Variants in PCDHA2 observed in about 807,000 individuals in gnomAD.
The protein encoded by PCDHA2 is protocadherin alpha 2.
In PCDHA2, 58 loss-of-function variants were observed where a neutral mutation model predicts 66.0. The ratio of observed to expected loss-of-function variants is 0.88; its 90% CI spans 0.71 to 1.09. PCDHA2 has a LOEUF of 1.09. PCDHA2 is among the 50% of genes least tolerant of loss of function. PCDHA2 has a pLI of 0.00. For missense variants in PCDHA2, 1,267 were observed against 1,242.3 expected (o/e 1.02, Z -0.30); for synonymous variants, 634 against 554.0 (o/e 1.14, Z -2.03).
chr5:140,829,557 T>C lies in PCDHA2; in HGVS notation c.2388+32205T>C, dbSNP rs138069346. On this transcript the variant is annotated intron_variant, in intron 1 of 3. Coordinates refer to ENST00000526136, the MANE Select transcript of PCDHA2 (RefSeq NM_018905.3). ...GACGCGGACGCGCAGGAGAACGCGC[T>C]GGTGTCCTACTCGCTGGTGGAGCGG... 4.3e-5 allele frequency: 70 copies of C among 1,612,672 alleles called. No homozygotes were observed. The highest frequency in any genetic ancestry group is 1.3e-4 in the Admixed American group (8 of 59,988).
chr5:140,858,426 A>T, intron 1 of PCDHA2: 9 of 1,551,394 alleles, frequency 5.8e-6, no homozygotes, highest in Non-Finnish European at 7.9e-6. Flanking sequence ...GGAGGGGACC[A>T]CTCTAGGAAG....
rs552604909 is a variant in PCDHA2, at chr5:141,005,474, C to T, written c.2537-4153C>T. ...ATCCCAGCACTTTGGGAGGCCGAGACGGGCGGATCATGAGGTCAGGAGATC... is the reference window on the plus strand; with the variant it reads ...ATCCCAGCACTTTGGGAGGCCGAGATGGGCGGATCATGAGGTCAGGAGATC... On this transcript the variant is annotated intron_variant, in intron 3 of 3. Coordinates refer to ENST00000526136, the MANE Select transcript of PCDHA2 (RefSeq NM_018905.3). 1.6e-3 allele frequency among the ~76,000 whole-genome samples: 236 copies of T among 151,848 alleles called. 1 individual carries two copies. The highest frequency in any genetic ancestry group is 4.9e-3 in the African/African-American group (204 of 41,424).
intron 3 of PCDHA2, among the ~76,000 whole-genome samples, chr5:140,996,006 C>G (rs962825775): frequency 6.6e-6 from 1 of 152,204 alleles, no homozygotes; most frequent in Non-Finnish European, 1.5e-5. Context: ...GTCGTCAGAA[C>G]TATTACTACT....
At chr5:140,881,719 C>A (rs914788204) in intron 1 of PCDHA2, among the ~76,000 whole-genome samples, 3 of 152,104 alleles carry the variant, frequency 2.0e-5, no homozygotes, top group African/African-American at 7.2e-5. Context: ...GTGAGGAGGT[C>A]TTGAAAAATA....
intron 1 of PCDHA2, chr5:140,883,274 C>T (rs1554177451): frequency 1.9e-6 from 3 of 1,613,998 alleles, no homozygotes; most frequent in South Asian, 2.2e-5. Flanking sequence ...TCATTGTACC[C>T]TTTTGGTGGA....
intron 1 of PCDHA2, 107 bp downstream of exon 1, chr5:140,797,459 C>A: frequency 1.6e-6 from 2 of 1,280,500 alleles, no homozygotes; most frequent in Non-Finnish European, 1.1e-6. Context: ...TATTTTATAT[C>A]ATCCTACCGT....
chr5:140,952,565 C>T (rs1255567969), intron 1 of PCDHA2, among the ~76,000 whole-genome samples: 3 of 152,142 alleles, frequency 2.0e-5, no homozygotes, highest in African/African-American at 4.8e-5. Flanking sequence ...ATCAGCACTT[C>T]GGTCCCAATC....
At chr5:140,807,990 A>T in intron 1 of PCDHA2, 2 of 1,613,728 alleles carry the variant, frequency 1.2e-6, no homozygotes, top group Non-Finnish European at 1.7e-6. Flanking sequence ...AACGCCTCAG[A>T]TTTAGACGAA....
chr5:140,904,716 G>T, intron 1 of PCDHA2, among the ~76,000 whole-genome samples: 1 of 151,886 alleles, frequency 6.6e-6, no homozygotes. Context: ...ACCACATTCT[G>T]GCCAACATCT....
chr5:141,003,708 A>T (rs1251126675), intron 3 of PCDHA2, among the ~76,000 whole-genome samples: 1 of 152,218 alleles, frequency 6.6e-6, no homozygotes, highest in Non-Finnish European at 1.5e-5. Flanking sequence ...CCAATTGTGA[A>T]GATATCGGCT....
chr5:140,946,781 G>A (rs1006814243), intron 1 of PCDHA2, among the ~76,000 whole-genome samples: 6 of 151,330 alleles, frequency 4.0e-5, no homozygotes, highest in African/African-American at 1.2e-4. Flanking sequence ...ATGTAAAAAA[G>A]CTGATCTTAT....
At chr5:140,948,027 G>T (rs530195389) in intron 1 of PCDHA2, among the ~76,000 whole-genome samples, 1 of 151,544 alleles carries the variant, frequency 6.6e-6, no homozygotes, top group Non-Finnish European at 1.5e-5. Flanking sequence ...TTTCTGGTTT[G>T]CTCAGAGTTT....
At chr5:140,961,591 T>C (rs1280839822) in intron 1 of PCDHA2, among the ~76,000 whole-genome samples, 1 of 152,190 alleles carries the variant, frequency 6.6e-6, no homozygotes, top group African/African-American at 2.4e-5. Flanking sequence ...ATTTTGGCAA[T>C]GATTCTAGTA....
At chr5:140,878,899 G>T (rs1301967468) in intron 1 of PCDHA2, among the ~76,000 whole-genome samples, 2 of 152,152 alleles carry the variant, frequency 1.3e-5, no homozygotes, top group Non-Finnish European at 2.9e-5. Context: ...CTACAGGCAG[G>T]CTCCACCACT....
rs1562166889 is a variant in PCDHA2 at position 140,797,310 on chromosome 5, C to T, written c.2346C>T (p.Ser782=). ...CTAGCTTATCTCAAGGTCCAGACTC[C>T]GCAGAAGAGAAACAGCTCTCAGAAT... ...FSPSLSQGPD[S]AEEKQLSESE... The change falls in exon 1 of 4, where the codon TCC becomes TCT. Residue 782 remains serine (S), a synonymous_variant. Transcript: ENST00000526136. 3.1e-6 allele frequency: 5 copies of T among 1,614,186 alleles called. No homozygotes were observed. The Admixed American group carries it at 5.0e-5, about 16-fold the overall frequency.
chr5:140,993,281 C>T (rs2097548459), intron 3 of PCDHA2, among the ~76,000 whole-genome samples: 1 of 152,102 alleles, frequency 6.6e-6, no homozygotes. Flanking sequence ...TCTTTTCTTG[C>T]CCAGGGTCAC....
At chr5:140,828,111 A>G (rs1769533134) in intron 1 of PCDHA2, 2 of 1,611,626 alleles carry the variant, frequency 1.2e-6, no homozygotes, top group East Asian at 2.2e-5. Flanking sequence ...ACCCCGGAGG[A>G]TAGATTGGGA....
chr5:140,807,137 C>T, intron 1 of PCDHA2: 1 of 1,567,282 alleles, frequency 6.4e-7, no homozygotes, highest in Admixed American at 1.8e-5. Context: ...AAAGATTTCC[C>T]TTGACTTTGA....
intron 1 of PCDHA2, chr5:140,967,436 C>T (rs781894469): frequency 6.2e-7 from 1 of 1,613,496 alleles, no homozygotes; most frequent in Non-Finnish European, 8.5e-7. Context: ...AGCCTTGCAC[C>T]ACCTGGTTCT....
Sources: allele counts gnomAD v4.1 joint callset (sites outside exome capture counted in the v4.1 genomes callset), GRCh38; gene constraint gnomAD v4.1.1; transcripts MANE v1.5; gene names NCBI Gene and HGNC (gene_info 2026-07-23, HGNC 2026-07-21).